BMPR1B: variants seen among roughly 807,000 people sequenced by gnomAD.
BMPR1B encodes bone morphogenetic protein receptor type-1B.
A neutral mutation model predicts 59.1 loss-of-function variants in BMPR1B; 12 were observed. That is an observed-to-expected ratio of 0.20 (90% CI 0.13 to 0.33). The LOEUF is 0.33. Ranked by LOEUF, BMPR1B falls within the 10% of genes least tolerant of loss-of-function variation. The pLI is 1.00. For missense variants in BMPR1B, 550 were observed against 610.9 expected, an observed-to-expected ratio of 0.90 and a Z score of 1.05; for synonymous variants, 237 against 207.3, an observed-to-expected ratio of 1.14 and a Z score of -1.23.
chr4:95,013,078 C>T (rs1261643689), intron 3 of BMPR1B, among the ~76,000 whole-genome samples: 2 of 151,176 alleles, frequency 1.3e-5, no homozygotes. Context: ...AATTATATAA[C>T]TTTCTCATTA....
At chr4:94,794,308 T>C (rs1231108686) in intron 1 of BMPR1B, among the ~76,000 whole-genome samples, 1 of 151,494 alleles carries the variant, frequency 6.6e-6, no homozygotes, top group African/African-American at 2.4e-5. Context: ...TTCTCAGGTT[T>C]GTCAAAGATC....
intron 1 of BMPR1B, among the ~76,000 whole-genome samples, chr4:94,835,217 C>T (rs769361177): frequency 1.8e-4 from 27 of 151,850 alleles, no homozygotes; most frequent in Non-Finnish European, 3.7e-4. Context: ...AATTAAAGAA[C>T]ATTTTCAAAG....
chr4:95,018,754 T>A (rs1723764351), intron 3 of BMPR1B, among the ~76,000 whole-genome samples: 1 of 152,184 alleles, frequency 6.6e-6, no homozygotes, highest in Non-Finnish European at 1.5e-5. Flanking sequence ...AGCCTAGGAT[T>A]CAATTTTGGG....
chr4:94,778,919 T>C (rs930988385), intron 1 of BMPR1B, among the ~76,000 whole-genome samples: 1 of 152,150 alleles, frequency 6.6e-6, no homozygotes, highest in Admixed American at 6.5e-5. Context: ...TTGTTTATTA[T>C]GAATGCTAAT....
At chr4:95,099,774 A>G (rs1730692030) in intron 3 of BMPR1B, among the ~76,000 whole-genome samples, 1 of 152,208 alleles carries the variant, frequency 6.6e-6, no homozygotes, top group Admixed American at 6.5e-5. Context: ...CTCTAAATAA[A>G]TAACTGTACT....
chr4:95,053,488 A>C (rs1726680543), intron 3 of BMPR1B, among the ~76,000 whole-genome samples: 1 of 152,184 alleles, frequency 6.6e-6, no homozygotes, highest in Non-Finnish European at 1.5e-5. Flanking sequence ...ACTGTAAAAT[A>C]GGGATAATAA....
intron 1 of BMPR1B, among the ~76,000 whole-genome samples, chr4:94,869,270 A>G (rs924954874): frequency 6.6e-6 from 1 of 152,180 alleles, no homozygotes. Context: ...TCATTCATAT[A>G]TTGTATGAAA....
chr4:95,093,760 G>A (rs551359173), intron 3 of BMPR1B, among the ~76,000 whole-genome samples: 1 of 152,164 alleles, frequency 6.6e-6, no homozygotes, highest in African/African-American at 2.4e-5. Flanking sequence ...ATGGTGAAAA[G>A]AGAAACAATG....
intron 1 of BMPR1B, among the ~76,000 whole-genome samples, chr4:94,802,066 T>C (rs1410118973): frequency 6.6e-6 from 1 of 152,214 alleles, no homozygotes; most frequent in Non-Finnish European, 1.5e-5. Context: ...TTTTGTTTAT[T>C]TTTAGCTGAG....
chr4:94,761,112 T>C (rs573566113), intron 1 of BMPR1B, among the ~76,000 whole-genome samples: 188 of 152,334 alleles, frequency 1.2e-3, no homozygotes, highest in Non-Finnish European at 1.9e-3. Flanking sequence ...TTGACTTCTT[T>C]CACTAGAAGT....
At chr4:94,828,287 A>C (rs931814164) in intron 1 of BMPR1B, among the ~76,000 whole-genome samples, 2 of 152,250 alleles carry the variant, frequency 1.3e-5, no homozygotes. Context: ...TTGAGTGAAC[A>C]GTGCCTGATC....
chr4:95,129,391 C>A (rs993655823), intron 8 of BMPR1B, among the ~76,000 whole-genome samples: 3 of 152,034 alleles, frequency 2.0e-5, no homozygotes, highest in Admixed American at 6.6e-5. Flanking sequence ...CTCCTTCCTC[C>A]CTCCCTCCCT....
chr4:94,890,154 T>C (rs1199696839), intron 2 of BMPR1B, among the ~76,000 whole-genome samples: 2 of 152,008 alleles, frequency 1.3e-5, no homozygotes, highest in Admixed American at 1.3e-4. Context: ...ATGTACTAAA[T>C]CTTGGCGTGG....
intron 4 of BMPR1B, among the ~76,000 whole-genome samples, chr4:95,108,214 C>T (rs903657440): frequency 2.0e-5 from 3 of 152,026 alleles, no homozygotes; most frequent in Non-Finnish European, 2.9e-5. Context: ...AAATTCACCC[C>T]TTCCCAGATC....
At chr4:95,114,668 A>G (rs894725180) in intron 4 of BMPR1B, 52 bp from the exon 5 acceptor site, 2 of 1,430,984 alleles carry the variant, frequency 1.4e-6, no homozygotes, top group Non-Finnish European at 2.0e-6. Flanking sequence ...ACACACACAC[A>G]CTGACTCACA....
At chr4:95,110,152 A>G (rs536730274) in intron 4 of BMPR1B, among the ~76,000 whole-genome samples, 2 of 151,960 alleles carry the variant, frequency 1.3e-5, no homozygotes, top group Non-Finnish European at 2.9e-5. Flanking sequence ...AGCAGAGACA[A>G]TGTAGGATTT....
Position 95,104,273 on chromosome 4 carries a change from A to G in BMPR1B, c.-17-135A>G. The stretch of plus-strand genomic sequence containing the variant: ...ACATGATTTTAATCAAAATACCAAA[A>G]TGTCTGTTTTTCTGTTTAAATCTTT... On this transcript the variant is annotated intron_variant, in intron 3 of 12. Coordinates refer to ENST00000515059, the MANE Select transcript of BMPR1B (RefSeq NM_001203.3). 3.8e-6 allele frequency: 4 copies of G among 1,048,992 alleles called. No homozygotes were observed. In the South Asian group the frequency reaches 6.4e-5, roughly 17 times the overall value. 65.0% of individuals were successfully genotyped at this position (1,048,992 alleles called of 1,614,324 possible).
At chr4:95,040,662 T>C (rs1350543564) in intron 3 of BMPR1B, among the ~76,000 whole-genome samples, 2 of 152,202 alleles carry the variant, frequency 1.3e-5, no homozygotes, top group Non-Finnish European at 2.9e-5. Context: ...TTATAGTGTA[T>C]AACTTTAACT....
rs10004105 is a variant in BMPR1B at position 94,889,369 on chromosome 4, G to A, written c.-113+13469G>A. On this transcript the variant is annotated intron_variant, in intron 2 of 12. Transcript: ENST00000515059. ...TGAGCCAAACATTTCTAGGCCCTGC[G>A]TCAACTCTGTAGTATCTCTGTTTTT... Among the ~76,000 whole-genome samples the A allele has an allele frequency of 7.4e-3, 1,125 of 151,990 alleles. 17 individuals are homozygous for A. Among genetic ancestry groups the A allele is most frequent in the African/African-American group, 0.026 (1,076 of 41,454 alleles).
Sources: allele counts gnomAD v4.1 joint callset (sites outside exome capture counted in the v4.1 genomes callset), GRCh38; gene constraint gnomAD v4.1.1; transcripts MANE v1.5; gene names NCBI Gene and HGNC (gene_info 2026-07-23, HGNC 2026-07-21).